MACF1: variants seen among roughly 807,000 people sequenced by gnomAD.
MACF1 encodes the protein microtubule actin crosslinking factor 1.
Under a neutral mutation model 854.8 loss-of-function variants are expected in MACF1, and 193 were observed. The observed-to-expected ratio is 0.23, with a 90% CI of 0.20 to 0.25. The LOEUF (loss-of-function observed/expected upper bound fraction) is 0.25. Ranked by LOEUF, MACF1 falls within the 10% of genes least tolerant of loss-of-function variation. The pLI is 1.00. For missense variants in MACF1, 7,722 were observed against 8,929.1 expected (o/e 0.86, Z 5.45); for synonymous variants, 3,185 against 3,226.7 (o/e 0.99, Z 0.44).
At chr1:39,480,201 G>C in intron 98 of MACF1, 192 bp downstream of exon 98, 1 of 580,904 alleles carries the variant, frequency 1.7e-6, no homozygotes. Flanking sequence ...CAGATATATG[G>C]CCTTTAAGAT....
Position 39,485,553 on chromosome 1 carries a change from C to A in MACF1, c.22427C>A (p.Ala7476Asp). 6.2e-7 allele frequency: 1 copy of A among 1,612,850 alleles called. No homozygotes were observed. Among genetic ancestry groups the A allele is most frequent in the East Asian group, 2.2e-5 (1 of 44,860 alleles). ...KTNRADPKKSASRPGSRAGSR... is the reference protein window; with the variant it reads ...KTNRADPKKSDSRPGSRAGSR... ...TGAATTCCAGACCCTAAAAAGTCTG[C>A]CAGTCGCCCTGGGAGTCGGGCTGGG... Residue 7476 changes from alanine (A) to aspartate (D), a missense_variant, in exon 101 of 101, where the codon GCC (alanine) becomes GAC (aspartate). Ala to Asp is a moderately radical substitution (Grantham distance 126). Around this residue, in one of 15 missense-constraint regions of MACF1, gnomAD observed 185 missense variants for 225.7 expected, o/e 0.82. Transcript: ENST00000564288.
chr1:39,205,942 TCTAA>T (rs748170594), intron 1 of MACF1, among the ~76,000 whole-genome samples: 22 of 152,140 alleles, frequency 1.4e-4, no homozygotes, highest in Middle Eastern at 3.2e-3. Flanking sequence ...ATTCATATGG[TCTAA>T]CTTTTACTGG....
Position 39,092,995 on chromosome 1 carries a change from A to G in MACF1, c.220+8557A>G, listed in dbSNP as rs546926519. Among the ~76,000 whole-genome samples, 61 of 152,222 alleles carry G rather than the reference A, an allele frequency of 4.0e-4. 1 individual carries two copies. The South Asian group carries it at 0.012, about 30-fold the overall frequency. ...GAGACGGGGTTTCACCATCTTGGCC[A>G]GGCTGGCCTTGAACTCCTGACCTCA... On this transcript the variant is annotated intron_variant, in intron 2 of 93. Coordinates refer to the MACF1 transcript ENST00000361689.
chr1:39,350,335 G>A (rs898961662), intron 42 of MACF1, among the ~76,000 whole-genome samples: 1 of 152,104 alleles, frequency 6.6e-6, no homozygotes, highest in Non-Finnish European at 1.5e-5. Flanking sequence ...TAGTTCGACT[G>A]GACTGCAAAA....
At chr1:39,138,667 A>G (rs1185553274) in intron 2 of MACF1, among the ~76,000 whole-genome samples, 1 of 151,972 alleles carries the variant, frequency 6.6e-6, no homozygotes, top group Non-Finnish European at 1.5e-5. Flanking sequence ...TTAAAGGCCA[A>G]ATAATTTTTT....
chr1:39,173,593 T>TG (rs1283244870), intron 2 of MACF1, among the ~76,000 whole-genome samples: 1 of 152,224 alleles, frequency 6.6e-6, no homozygotes, highest in Non-Finnish European at 1.5e-5. Flanking sequence ...GAAAAACTGT[T>TG]GAACAGTCCC....
At chr1:39,276,575 C>T (rs1196792731) in intron 6 of MACF1, among the ~76,000 whole-genome samples, 1 of 152,132 alleles carries the variant, frequency 6.6e-6, no homozygotes, top group African/African-American at 2.4e-5. Context: ...CGTGGAATTC[C>T]TTTCTTCCTT....
intron 93 of MACF1, 108 bp from the exon 94 acceptor site, chr1:39,463,504 A>G: frequency 1.3e-6 from 1 of 746,072 alleles, no homozygotes; most frequent in Non-Finnish European, 2.3e-6. Flanking sequence ...AAAAAAAAAA[A>G]ATGTAAATAA....
chr1:39,166,104 T>C (rs1275079207), intron 2 of MACF1, among the ~76,000 whole-genome samples: 1 of 150,996 alleles, frequency 6.6e-6, no homozygotes, highest in Non-Finnish European at 1.5e-5. Flanking sequence ...AGTCTTGCTC[T>C]GTCACCCAGG....
chr1:39,226,486 G>T (rs942048437), intron 1 of MACF1, among the ~76,000 whole-genome samples: 1 of 152,010 alleles, frequency 6.6e-6, no homozygotes, highest in African/African-American at 2.4e-5. Flanking sequence ...GATTACAGGC[G>T]TGTGCCACCA....
chr1:39,388,284 A>G lies in MACF1; in HGVS notation c.15442A>G (p.Ile5148Val). Residue 5148 changes from isoleucine to valine, a missense_variant, in exon 58 of 101, where the codon ATT becomes GTT. Transcript: ENST00000564288. Reference protein sequence around the residue: ...LDDELDGMGAIGRDTDSLQSQ... With the variant: ...LDDELDGMGAVGRDTDSLQSQ... ...TGATGAGCTAGATGGCATGGGTGCT[A>G]TTGGCAGAGACACTGATAGCCTCCA... The G allele has an allele frequency of 6.2e-7, 1 of 1,614,190 alleles. No homozygotes were observed. The highest frequency in any genetic ancestry group is 8.5e-7 in the Non-Finnish European group (1 of 1,180,044).
At chr1:39,435,783 A>G in intron 70 of MACF1, 22 bp downstream of exon 70, 1 of 1,607,404 alleles carries the variant, frequency 6.2e-7, no homozygotes, top group South Asian at 1.1e-5. Context: ...TCTGACACTC[A>G]TAACCTTGAA....
chr1:39,414,078 A>G (rs1212319326), intron 58 of MACF1: 1 of 1,586,936 alleles, frequency 6.3e-7, no homozygotes, highest in Admixed American at 1.8e-5. Flanking sequence ...GTTCCCCAGC[A>G]GCTTCAGTGC....
intron 2 of MACF1, among the ~76,000 whole-genome samples, chr1:39,145,055 A>G (rs888896613): frequency 4.6e-5 from 7 of 151,768 alleles, no homozygotes; most frequent in Non-Finnish European, 8.8e-5. Context: ...CGCCTTTTCT[A>G]TCCCCAGTGC....
intron 6 of MACF1, chr1:39,268,949 C>A (rs961645456): frequency 2.3e-6 from 3 of 1,286,690 alleles, no homozygotes; most frequent in South Asian, 1.2e-5. Flanking sequence ...AGCATACCCC[C>A]CCAGATATTT....
chr1:39,485,561 C>CCTGGGAGTCGGG lies in MACF1; in HGVS notation c.22446_22457dup (p.Gly7488_Ala7491dup), dbSNP rs781095837. 23 of 1,613,530 alleles carry CCTGGGAGTCGGG rather than the reference C, an allele frequency of 1.4e-5. No individual in the cohort carries two copies. Among genetic ancestry groups the CCTGGGAGTCGGG allele is most frequent in the African/African-American group, 8.0e-5 (6 of 74,906 alleles). ...AGACCCTAAAAAGTCTGCCAGTCGC[C>CCTGGGAGTCGGG]CTGGGAGTCGGGCTGGGAGTCGAGC... On this transcript the variant is annotated inframe_insertion, in exon 101 of 101. Transcript: ENST00000564288.
intron 58 of MACF1, among the ~76,000 whole-genome samples, chr1:39,420,064 C>T (rs1643476704): frequency 6.6e-6 from 1 of 152,160 alleles, no homozygotes. Flanking sequence ...TAACCACTGG[C>T]CATATGTGGC....
At chr1:39,382,695 AT>A (rs35318749) in intron 56 of MACF1, among the ~76,000 whole-genome samples, 2 of 150,816 alleles carry the variant, frequency 1.3e-5, no homozygotes, top group Non-Finnish European at 3.0e-5. Flanking sequence ...AAAAAAAAAA[AT>A]TTTTTTTTAC....
In MACF1 at chr1:39,334,751, T is replaced by G; in HGVS notation, c.8163T>G (p.Ile2721Met). The change falls in exon 37 of 101, where the codon ATT becomes ATG. Residue 2721 changes from isoleucine (I) to methionine (M), a missense_variant. Transcript: ENST00000564288. Reference protein sequence around the residue: ...KLVDENMVRIIASHQVLNGGI... With the variant: ...KLVDENMVRIMASHQVLNGGI... Reference sequence around the variant, plus strand: ...TGGATGAAAACATGGTCAGAATTATTGCATCTCATCAGGTGTTAAATGGAG... The same window carrying G: ...TGGATGAAAACATGGTCAGAATTATGGCATCTCATCAGGTGTTAAATGGAG... 1 of 1,614,136 alleles carries G rather than the reference T, an allele frequency of 6.2e-7. No homozygotes were observed.
Sources: gnomAD v4.1 joint callset for allele counts (sites outside exome capture counted in the v4.1 genomes callset) on GRCh38, gnomAD v4.1.1 for gene constraint, gnomAD v4.1.1 regional missense constraint, MANE v1.5 for transcripts, NCBI Gene and HGNC (gene_info 2026-07-23, HGNC 2026-07-21) for gene names.